Variants in RFWD3 observed in about 807,000 individuals in gnomAD.
The protein encoded by RFWD3 is E3 ubiquitin-protein ligase RFWD3.
Under a neutral mutation model 87.7 loss-of-function variants are expected in RFWD3, and 65 were observed. The observed-to-expected ratio is 0.74, with a 90% confidence interval of 0.61 to 0.91. The LOEUF is 0.91. Ranked by LOEUF, RFWD3 falls within the 40% of genes least tolerant of loss-of-function variation. RFWD3 has a pLI of 0.00. For synonymous variants in RFWD3, 433 were observed against 352.8 expected, an observed-to-expected ratio of 1.23 and a Z score of -2.55; for missense variants, 1,078 against 938.5, an observed-to-expected ratio of 1.15 and a Z score of -1.94.
Position 74,630,976 on chromosome 16 carries a change from CTT to C in RFWD3, c.1578-21_1578-20del, listed in dbSNP as rs758006482. On this transcript the variant is annotated intron_variant, in intron 9 of 12. Coordinates refer to ENST00000361070, the MANE Select transcript of RFWD3 (RefSeq NM_018124.4). ...CTCCAGGCTGTGGAGTTACAAAAGA[CTT>C]TTACAACTGCATTAAGAAAATCAAA... 1 of 1,587,370 alleles carries C rather than the reference CTT, an allele frequency of 6.3e-7. No individual in the cohort carries two copies. The highest frequency in any genetic ancestry group is 8.5e-7 in the Non-Finnish European group (1 of 1,170,324).
intron 10 of RFWD3, among the ~76,000 whole-genome samples, chr16:74,630,573 T>A (rs1959062240): frequency 6.6e-6 from 1 of 152,240 alleles, no homozygotes. Flanking sequence ...GCTATACTTG[T>A]ACCAGAACTC....
chr16:74,642,502 T>C (rs533894364), intron 6 of RFWD3, among the ~76,000 whole-genome samples: 1 of 152,020 alleles, frequency 6.6e-6, no homozygotes, highest in East Asian at 1.9e-4. Flanking sequence ...GGTCAACAGA[T>C]TTATCTTTAT....
chr16:74,632,586 A>C lies in RFWD3; in HGVS notation c.1514T>G (p.Phe505Cys). 6.2e-7 allele frequency: 1 copy of C among 1,614,144 alleles called. No homozygotes were observed. Among genetic ancestry groups the C allele is most frequent in the Non-Finnish European group, 8.5e-7 (1 of 1,180,014 alleles). ...TAGCAAGCCTCTGAGGTAACTGCTA[A>C]ACGCCAGTCCACGGATCTGTTTGCC... ...MHGKQIRGLA[F>C]SSYLRGLLLS... The change falls in exon 9 of 13, where the codon TTT (phenylalanine) becomes TGT (cysteine). Residue 505 changes from phenylalanine to cysteine, a missense_variant. Coordinates refer to ENST00000361070, the MANE Select transcript of RFWD3 (RefSeq NM_018124.4).
intron 4 of RFWD3, among the ~76,000 whole-genome samples, chr16:74,645,144 C>A (rs557967581): frequency 1.3e-5 from 2 of 152,114 alleles, no homozygotes; most frequent in East Asian, 1.9e-4. Context: ...TTAAAGAGAC[C>A]ATTTTTCATC....
intron 12 of RFWD3, 113 bp from the exon 13 acceptor site, chr16:74,624,184 G>A: frequency 7.9e-7 from 1 of 1,260,634 alleles, no homozygotes; most frequent in Non-Finnish European, 1.1e-6. Flanking sequence ...TACCTGGAGA[G>A]CAAAGCAGGC....
At chr16:74,641,259 T>A (rs557762214) in intron 6 of RFWD3, among the ~76,000 whole-genome samples, 1 of 151,500 alleles carries the variant, frequency 6.6e-6, no homozygotes, top group South Asian at 2.1e-4. Flanking sequence ...GCCCCCTGGG[T>A]TCAAGCTATC....
chr16:74,646,858 G>A (rs530492137), intron 4 of RFWD3, among the ~76,000 whole-genome samples: 64 of 152,254 alleles, frequency 4.2e-4, no homozygotes, highest in African/African-American at 1.5e-3. Context: ...GGATCACCAG[G>A]TCAGGAGATC....
At chr16:74,654,368 T>C (rs1168229980) in intron 2 of RFWD3, among the ~76,000 whole-genome samples, 1 of 152,232 alleles carries the variant, frequency 6.6e-6, no homozygotes, top group Admixed American at 6.5e-5. Flanking sequence ...GTTTTGTTTG[T>C]TCCTCTGTTA....
At chr16:74,644,226 C>T (rs1959920281) in intron 6 of RFWD3, 136 bp downstream of exon 6, 5 of 799,280 alleles carry the variant, frequency 6.3e-6, no homozygotes, top group East Asian at 2.4e-5. Flanking sequence ...GTAAGACAGA[C>T]TGCCAATGAT....
At chr16:74,661,621 G>C (rs1202022239) in intron 1 of RFWD3, among the ~76,000 whole-genome samples, 170 bp from the exon 2 acceptor site, 1 of 152,128 alleles carries the variant, frequency 6.6e-6, no homozygotes, top group Non-Finnish European at 1.5e-5. Context: ...TTTGGTAATG[G>C]ACTTTCCTCT....
chr16:74,638,416 C>G (rs1959334156), intron 6 of RFWD3, among the ~76,000 whole-genome samples: 1 of 151,914 alleles, frequency 6.6e-6, no homozygotes, highest in African/African-American at 2.4e-5. Context: ...AAAGGAAAGA[C>G]CAATTAGAAT....
intron 8 of RFWD3, among the ~76,000 whole-genome samples, chr16:74,633,661 T>C (rs1567569929): frequency 6.6e-6 from 1 of 151,946 alleles, no homozygotes; most frequent in South Asian, 2.1e-4. Flanking sequence ...GTAATACATA[T>C]GTTCATGGCC....
At chr16:74,625,910 G>A (rs1205822614) in intron 12 of RFWD3, among the ~76,000 whole-genome samples, 1 of 152,156 alleles carries the variant, frequency 6.6e-6, no homozygotes, top group Non-Finnish European at 1.5e-5. Flanking sequence ...TCTCAGCTGG[G>A]TGCAATGGCT....
At chr16:74,632,031 G>A (rs1959112806) in intron 9 of RFWD3, among the ~76,000 whole-genome samples, 1 of 152,112 alleles carries the variant, frequency 6.6e-6, no homozygotes, top group African/African-American at 2.4e-5. Flanking sequence ...AACCTTCTGT[G>A]CCCACTTCTA....
In RFWD3 at chr16:74,632,156, C is replaced by T. The variant is rs1299415575; in HGVS notation, c.1577+367G>A. On this transcript the variant is annotated intron_variant, in intron 9 of 12. Coordinates refer to ENST00000361070, the MANE Select transcript of RFWD3 (RefSeq NM_018124.4). ...CTGTAATCCCAGCACTTCAGGAGGC[C>T]GAGGCGGGCGGATCATGAGGTCAGG... Among the ~76,000 whole-genome samples the T allele has an allele frequency of 2.6e-5, 4 of 151,388 alleles. No individual in the cohort carries two copies. The South Asian group carries it at 6.3e-4, about 24-fold the overall frequency.
chr16:74,648,520 C>A (rs889191253), intron 4 of RFWD3, among the ~76,000 whole-genome samples: 1 of 151,054 alleles, frequency 6.6e-6, no homozygotes, highest in Non-Finnish European at 1.5e-5. Flanking sequence ...CACCTATAAT[C>A]CCAGCACTTT....
rs1958999747 is a variant in RFWD3 at position 74,628,461 on chromosome 16, A to G, written c.1960T>C (p.Tyr654His). Residue 654 changes from tyrosine to histidine, a missense_variant, in exon 11 of 13, where the codon TAC (tyrosine) becomes CAC (histidine). By Grantham distance (83) the Tyr-to-His change is moderately conservative. Coordinates refer to ENST00000361070, the MANE Select transcript of RFWD3 (RefSeq NM_018124.4). ...CCCCAGCACTACTTACCAGGCCTGTAGGTCACAAGACAGTGCCGGGAGCTG... is the reference window on the plus strand; with the variant it reads ...CCCCAGCACTACTTACCAGGCCTGTGGGTCACAAGACAGTGCCGGGAGCTG... Reference protein sequence around the residue: ...ENSSRHCLVTYRPDKNHTTIR... With the variant: ...ENSSRHCLVTHRPDKNHTTIR... 2.5e-6 allele frequency: 4 copies of G among 1,613,994 alleles called. No individual in the cohort carries two copies. The highest frequency in any genetic ancestry group is 3.4e-6 in the Non-Finnish European group (4 of 1,179,996).
intron 6 of RFWD3, among the ~76,000 whole-genome samples, chr16:74,639,036 CTTTT>C (rs564298799): frequency 2.0e-3 from 261 of 132,034 alleles, no homozygotes; most frequent in Middle Eastern, 4.1e-3. Flanking sequence ...TGAGCTAAGA[CTTTT>C]TTTTTTTTTT....
chr16:74,639,775 T>C (rs1271750422), intron 6 of RFWD3, among the ~76,000 whole-genome samples: 6 of 152,154 alleles, frequency 3.9e-5, no homozygotes, highest in African/African-American at 1.4e-4. Context: ...CAATAAATTA[T>C]AGCTTGGAAT....
Sources: allele counts gnomAD v4.1 joint callset (sites outside exome capture counted in the v4.1 genomes callset), GRCh38; gene constraint gnomAD v4.1.1; transcripts MANE v1.5; gene names NCBI Gene and HGNC (gene_info 2026-07-23, HGNC 2026-07-21).